Variants in CSMD1 observed in about 807,000 individuals in gnomAD.
The protein encoded by CSMD1 is CUB and sushi domain-containing protein 1.
CSMD1 carries 213 observed loss-of-function variants against 417.5 expected under a neutral mutation model. The ratio of observed to expected loss-of-function variants is 0.51; its 90% CI spans 0.46 to 0.57. The LOEUF is 0.57. Among genes scored for constraint, CSMD1 ranks in the 20% least tolerant of loss-of-function variants. The pLI is 0.00. For missense variants in CSMD1, 6,923 were observed against 4,529.7 expected (o/e 1.53, Z -15.17); for synonymous variants, 2,862 against 1,736.8 (o/e 1.65, Z -16.11).
intron 22 of CSMD1, 133 bp from the exon 23 acceptor site, chr8:3,343,583 G>A (rs934213410): frequency 1.4e-6 from 1 of 730,902 alleles, no homozygotes; most frequent in Non-Finnish European, 2.1e-6. Flanking sequence ...TTTACAGAAA[G>A]ATAAATGAAG....
At chr8:4,508,865 GC>G (rs1802671904) in intron 2 of CSMD1, among the ~76,000 whole-genome samples, 1 of 152,058 alleles carries the variant, frequency 6.6e-6, no homozygotes, top group South Asian at 2.1e-4. Flanking sequence ...CTTTCTGGAA[GC>G]TTTTAGTAGC....
chr8:4,488,384 C>G lies in CSMD1; in HGVS notation c.303-68319G>C, dbSNP rs144007313. Reference sequence around the variant, plus strand: ...GACATATAGAAACTTGTTTAATCCTCACAATAACCTGTGGGGGGCTTGATC... The same window carrying G: ...GACATATAGAAACTTGTTTAATCCTGACAATAACCTGTGGGGGGCTTGATC... On this transcript the variant is annotated intron_variant, in intron 2 of 69. Transcript: ENST00000635120. Among the ~76,000 whole-genome samples, 3 of 152,124 alleles carry G rather than the reference C, an allele frequency of 2.0e-5. No individual in the cohort carries two copies. In the East Asian group the frequency reaches 5.8e-4, roughly 29 times the overall value.
chr8:4,640,460 A>C (rs1254194020), intron 1 of CSMD1, among the ~76,000 whole-genome samples: 2 of 152,192 alleles, frequency 1.3e-5, no homozygotes, highest in African/African-American at 4.8e-5. Context: ...AAAGCCATAA[A>C]ATCCACAAAG....
intron 5 of CSMD1, among the ~76,000 whole-genome samples, chr8:3,821,090 G>C (rs55778544): frequency 2.6e-5 from 4 of 151,324 alleles, no homozygotes. Flanking sequence ...TTACTTTTTT[G>C]TATTTTTAGT....
intron 8 of CSMD1, among the ~76,000 whole-genome samples, chr8:3,587,132 G>C (rs376796212): frequency 6.2e-4 from 94 of 152,318 alleles, no homozygotes; most frequent in African/African-American, 2.1e-3. Flanking sequence ...ATCCAGCCTG[G>C]ATTTAGAGAA....
chr8:3,313,536 G>C (rs986259657), intron 23 of CSMD1, among the ~76,000 whole-genome samples: 21 of 152,334 alleles, frequency 1.4e-4, no homozygotes, highest in African/African-American at 4.6e-4. Flanking sequence ...GGCCATCAGA[G>C]AAATGCAAAT....
At position 4,994,325 on chromosome 8, in the gene CSMD1, G is replaced by T. The variant is rs375867841; in HGVS notation, c.85+7C>A. On this transcript the variant is annotated splice_region_variant and intron_variant, in intron 1 of 69. Coordinates refer to ENST00000635120, the MANE Select transcript of CSMD1 (RefSeq NM_033225.6). ...CGCCTCCCCGGCCAGGAGCAAGTCC[G>T]TCTTACCCTTCGCTGCAGTGAGGAG... 1.2e-5 allele frequency: 20 copies of T among 1,609,026 alleles called. No individual in the cohort carries two copies. The Admixed American group carries it at 2.5e-4, about 20-fold the overall frequency.
intron 3 of CSMD1, among the ~76,000 whole-genome samples, chr8:4,194,110 C>T (rs898710858): frequency 2.6e-5 from 4 of 152,032 alleles, no homozygotes; most frequent in Non-Finnish European, 5.9e-5. Flanking sequence ...GGTAGGCATA[C>T]GTTCAACAAA....
At chr8:3,489,592 G>C (rs76745076) in intron 11 of CSMD1, among the ~76,000 whole-genome samples, 1 of 152,138 alleles carries the variant, frequency 6.6e-6, no homozygotes, top group African/African-American at 2.4e-5. Context: ...TTTCTTTTAA[G>C]CCTGACATTC....
chr8:4,388,867 T>A lies in CSMD1; in HGVS notation c.415+31086A>T, dbSNP rs79839598. On this transcript the variant is annotated intron_variant, in intron 3 of 69. Transcript: ENST00000635120. ...TTAAAAACCATTTAAAACTTTGAAA[T>A]CAGCTGAAACGTCTCCTCTTCATCT... Among the ~76,000 whole-genome samples the A allele has an allele frequency of 3.7e-3, 559 of 152,296 alleles. 21 individuals are homozygous for A. In the East Asian group the frequency reaches 0.094, roughly 26 times the overall value.
intron 2 of CSMD1, among the ~76,000 whole-genome samples, chr8:4,449,608 C>G (rs979527655): frequency 6.6e-6 from 1 of 152,176 alleles, no homozygotes; most frequent in African/African-American, 2.4e-5. Context: ...TCAATATTCA[C>G]TGCTGTAGCC....
At chr8:4,146,649 TC>T (rs1376724452) in intron 3 of CSMD1, among the ~76,000 whole-genome samples, 1 of 114,504 alleles carries the variant, frequency 8.7e-6, no homozygotes, top group Admixed American at 1.2e-4. Flanking sequence ...TCTCGATCCG[TC>T]CCCCAGGCTG....
At chr8:4,400,872 A>T (rs969180563) in intron 3 of CSMD1, among the ~76,000 whole-genome samples, 4 of 152,052 alleles carry the variant, frequency 2.6e-5, no homozygotes, top group African/African-American at 9.7e-5. Flanking sequence ...ATTGAACTCA[A>T]CATGGATTTA....
intron 2 of CSMD1, among the ~76,000 whole-genome samples, chr8:4,422,672 T>A (rs983044058): frequency 6.6e-6 from 1 of 152,048 alleles, no homozygotes; most frequent in Admixed American, 6.6e-5. Context: ...TTATAGTAGT[T>A]TGTTATGGCA....
chr8:3,585,700 A>G (rs1401578756), intron 9 of CSMD1, among the ~76,000 whole-genome samples: 1 of 152,192 alleles, frequency 6.6e-6, no homozygotes, highest in Non-Finnish European at 1.5e-5. Flanking sequence ...ATGATTTGCA[A>G]TCAGGCTAAC....
intron 1 of CSMD1, among the ~76,000 whole-genome samples, chr8:4,890,488 A>T (rs1804042365): frequency 6.6e-6 from 1 of 150,458 alleles, no homozygotes; most frequent in Admixed American, 6.6e-5. Context: ...TCAGGTCCTC[A>T]CAGCCATGGG....
At chr8:3,240,597 C>A (rs910616471) in intron 26 of CSMD1, among the ~76,000 whole-genome samples, 28 of 151,642 alleles carry the variant, frequency 1.8e-4, no homozygotes, top group African/African-American at 5.1e-4. Context: ...GCAGTACAGC[C>A]CGGGTAATCT....
At chr8:3,729,366 A>C (rs1020648374) in intron 6 of CSMD1, among the ~76,000 whole-genome samples, 1 of 152,036 alleles carries the variant, frequency 6.6e-6, no homozygotes, top group Non-Finnish European at 1.5e-5. Context: ...GCCACCACTC[A>C]CTCGCCTTGG....
intron 3 of CSMD1, among the ~76,000 whole-genome samples, chr8:4,352,282 C>A (rs529688103): frequency 2.0e-5 from 3 of 152,310 alleles, no homozygotes; most frequent in Non-Finnish European, 4.4e-5. Flanking sequence ...CATGAGGGTT[C>A]TTCCAGGTGA....
Sources: allele counts gnomAD v4.1 joint callset (sites outside exome capture counted in the v4.1 genomes callset), GRCh38; gene constraint gnomAD v4.1.1; transcripts MANE v1.5; gene names NCBI Gene and HGNC (gene_info 2026-07-23, HGNC 2026-07-21).